Variants in KIF21A observed in about 807,000 individuals in gnomAD.
KIF21A encodes kinesin family member 21A, also known as kinesin-like protein KIF21A.
A neutral mutation model predicts 202.9 loss-of-function variants in KIF21A; 114 were observed. The observed-to-expected ratio is 0.56, with a 90% CI of 0.48 to 0.66. The LOEUF (loss-of-function observed/expected upper bound fraction) is 0.66. Ranked by LOEUF, KIF21A falls within the 30% of genes least tolerant of loss-of-function variation. The probability of loss-of-function intolerance (pLI) is 0.00; values close to 1 mark genes in which losing one functional copy is unlikely to be tolerated. For synonymous variants in KIF21A, 667 were observed against 670.8 expected (o/e 0.99, Z 0.09); for missense variants, 1,677 against 1,994.9 (o/e 0.84, Z 3.04).
rs1428015320 is a variant in KIF21A at position 39,363,306 on chromosome 12, G to C, written c.904-93C>G. On this transcript the variant is annotated intron_variant, in intron 6 of 37. Coordinates refer to ENST00000361418, the MANE Select transcript of KIF21A (RefSeq NM_001173464.2). ...GAAAGTTTACAGAGAATAATATAGA[G>C]ACATAATATAATTAAGAATATTTGT... The C allele has an allele frequency of 1.2e-5, 9 of 721,102 alleles. No homozygotes were observed. The South Asian group carries it at 1.5e-4, about 12-fold the overall frequency. The allele number at this position is 721,102 out of a possible 1,614,324, so 44.7% of individuals were successfully genotyped here. A position where few individuals can be genotyped will look rare whatever the true frequency, so the allele number is the denominator to read the frequency against.
At chr12:39,353,856 C>T (rs1948580451) in intron 10 of KIF21A, among the ~76,000 whole-genome samples, 1 of 152,026 alleles carries the variant, frequency 6.6e-6, no homozygotes. Context: ...CTCTCTTTCC[C>T]CATCTCTTTC....
chr12:39,355,707 T>TTATATATATATACA lies in KIF21A; in HGVS notation c.1469+1124_1469+1125insTGTATATATATATA, dbSNP rs1555172724. 8.9e-5 allele frequency among the ~76,000 whole-genome samples: 9 copies of TTATATATATATACA among 101,240 alleles called. 1 individual carries two copies. Among genetic ancestry groups the TTATATATATATACA allele is most frequent in the African/African-American group, 3.4e-4 (7 of 20,600 alleles). The allele number at this position is 101,240 out of a possible 152,430, so 66.4% of individuals were successfully genotyped here. On this transcript the variant is annotated intron_variant, in intron 10 of 37. Coordinates refer to ENST00000361418, the MANE Select transcript of KIF21A (RefSeq NM_001173464.2). ...TACCAAAAACATGAAGCATGAACAA[T>TTATATATATATACA]TATATATATATATATATATATATAT...
At chr12:39,417,990 T>C (rs1313980408) in intron 1 of KIF21A, among the ~76,000 whole-genome samples, 1 of 151,976 alleles carries the variant, frequency 6.6e-6, no homozygotes, top group Non-Finnish European at 1.5e-5. Flanking sequence ...GGTGGATCTC[T>C]TGGGCTCAGG....
At chr12:39,325,211 T>A (rs1443901560) in intron 26 of KIF21A, among the ~76,000 whole-genome samples, 1 of 152,150 alleles carries the variant, frequency 6.6e-6, no homozygotes, top group Non-Finnish European at 1.5e-5. Flanking sequence ...ATGACTGAGA[T>A]TGTATGCCAC....
chr12:39,384,840 G>C (rs1242393533), intron 1 of KIF21A, among the ~76,000 whole-genome samples: 1 of 152,154 alleles, frequency 6.6e-6, no homozygotes, highest in Non-Finnish European at 1.5e-5. Flanking sequence ...GTTGTTGGAA[G>C]AATTCAGTTC....
chr12:39,318,286 A>G, intron 28 of KIF21A, 85 bp from the exon 29 acceptor site: 1 of 1,362,352 alleles, frequency 7.3e-7, no homozygotes, highest in Non-Finnish European at 1.0e-6. Context: ...CTCTTTTAAA[A>G]AAAAGCTTTT....
Position 39,325,973 on chromosome 12 carries a change from T to C in KIF21A, c.3402-80A>G. 1.0e-5 allele frequency: 11 copies of C among 1,068,872 alleles called. No homozygotes were observed. The South Asian group carries it at 1.2e-4, about 12-fold the overall frequency. The allele number at this position is 1,068,872 out of a possible 1,614,324, so 66.2% of individuals were successfully genotyped here. On this transcript the variant is annotated intron_variant, in intron 25 of 37. Coordinates refer to ENST00000361418, the MANE Select transcript of KIF21A (RefSeq NM_001173464.2). ...ACTATAGCTCCTCTATATCAACGAC[T>C]ACAAAAAATTTATATGCCTATGGGA...
intron 24 of KIF21A, among the ~76,000 whole-genome samples, chr12:39,328,536 G>A (rs185081513): frequency 8.5e-4 from 129 of 152,274 alleles, no homozygotes; most frequent in African/African-American, 3.0e-3. Flanking sequence ...AATCTCTGAT[G>A]ATAGTGGTGA....
intron 1 of KIF21A, among the ~76,000 whole-genome samples, chr12:39,381,337 T>C (rs1436319266): frequency 6.6e-6 from 1 of 151,254 alleles, no homozygotes; most frequent in Non-Finnish European, 1.5e-5. Context: ...TATTTCATTA[T>C]GGGGAAAGCT....
chr12:39,380,134 A>AT (rs1439208946), intron 1 of KIF21A, among the ~76,000 whole-genome samples: 2 of 152,046 alleles, frequency 1.3e-5, no homozygotes, highest in African/African-American at 4.8e-5. Context: ...TGCCCGGCTA[A>AT]TTTTTTGTAT....
At chr12:39,309,181 A>G (rs533758144) in intron 33 of KIF21A, among the ~76,000 whole-genome samples, 2 of 152,304 alleles carry the variant, frequency 1.3e-5, no homozygotes, top group African/African-American at 2.4e-5. Context: ...ATTAAAAGTT[A>G]TAAGTACTTC....
intron 10 of KIF21A, 43 bp from the exon 11 acceptor site, chr12:39,352,023 G>A (rs931217126): frequency 1.4e-6 from 2 of 1,382,894 alleles, no homozygotes; most frequent in Middle Eastern, 3.6e-4. Flanking sequence ...ATTTTTCTCT[G>A]TGGATAAAAA....
chr12:39,306,092 C>T (rs376529444), intron 34 of KIF21A, among the ~76,000 whole-genome samples: 11 of 152,130 alleles, frequency 7.2e-5, no homozygotes, highest in Non-Finnish European at 1.5e-4. Flanking sequence ...AATGAACCTT[C>T]GTTTCACAGT....
At chr12:39,354,119 A>T (rs1741290033) in intron 10 of KIF21A, among the ~76,000 whole-genome samples, 1 of 152,190 alleles carries the variant, frequency 6.6e-6, no homozygotes, top group Non-Finnish European at 1.5e-5. Context: ...CAATGATAAA[A>T]TGAATTTAAA....
chr12:39,406,819 C>T (rs1952628135), intron 1 of KIF21A, among the ~76,000 whole-genome samples: 1 of 152,140 alleles, frequency 6.6e-6, no homozygotes, highest in African/African-American at 2.4e-5. Context: ...TATCAAAAGA[C>T]TCATTCGTAA....
At position 39,443,000 on chromosome 12, in the gene KIF21A, G is replaced by A; in HGVS notation, c.-30C>T. On this transcript the variant is annotated 5_prime_UTR_variant, in exon 1 of 38. Transcript: ENST00000361418. This position sits in a 1 kb window ranked among gnomAD's most constrained non-coding sequence, Gnocchi z 5.0. ...GCGGCGGGCAGCGATCGAGCCGTTG[G>A]GCCTCGGCACCGCAGAGCTGAGGCG... 6.6e-7 allele frequency: 1 copy of A among 1,516,502 alleles called. No individual in the cohort carries two copies. Among genetic ancestry groups the A allele is most frequent in the Non-Finnish European group, 8.8e-7 (1 of 1,139,562 alleles). 93.9% of individuals were successfully genotyped at this position (1,516,502 alleles called of 1,614,324 possible).
intron 1 of KIF21A, among the ~76,000 whole-genome samples, chr12:39,370,476 C>G (rs1009064778): frequency 6.6e-6 from 1 of 151,990 alleles, no homozygotes; most frequent in Non-Finnish European, 1.5e-5. Flanking sequence ...ACTTAACAAT[C>G]CCCCAAAATC....
At chr12:39,437,050 C>G (rs576667816) in intron 1 of KIF21A, among the ~76,000 whole-genome samples, 37 of 152,270 alleles carry the variant, frequency 2.4e-4, no homozygotes, top group African/African-American at 8.9e-4. Flanking sequence ...CGAGACTCAT[C>G]TTTGAGCTGT....
intron 1 of KIF21A, among the ~76,000 whole-genome samples, chr12:39,413,334 T>A (rs575773164): frequency 6.6e-6 from 1 of 152,296 alleles, no homozygotes; most frequent in East Asian, 1.9e-4. Flanking sequence ...TTGGAAACAA[T>A]TGGTCAATTC....
Sources: allele counts gnomAD v4.1 joint callset (sites outside exome capture counted in the v4.1 genomes callset), GRCh38; gene constraint gnomAD v4.1.1; non-coding constraint Gnocchi (gnomAD v3.1); transcripts MANE v1.5; gene names NCBI Gene and HGNC (gene_info 2026-07-23, HGNC 2026-07-21).